Variants in MASP2 observed in about 807,000 individuals in gnomAD.
The protein encoded by MASP2 is MBL associated serine protease 2, also known as mannan-binding lectin serine protease 2.
In MASP2, 49 loss-of-function variants were observed where a neutral mutation model predicts 57.1. The observed-to-expected ratio is 0.86, with a 90% CI of 0.68 to 1.09. MASP2 has a LOEUF of 1.09. Among genes scored for constraint, MASP2 ranks in the 50% least tolerant of loss-of-function variants. The pLI, the probability that MASP2 is intolerant of heterozygous loss-of-function variation, is 0.00. For synonymous variants in MASP2, 379 were observed against 340.8 expected (o/e 1.11, Z -1.24); for missense variants, 900 against 874.8 (o/e 1.03, Z -0.36).
chr1:11,036,804 T>G (rs1449368270), intron 7 of MASP2, among the ~76,000 whole-genome samples: 1 of 152,032 alleles, frequency 6.6e-6, no homozygotes, highest in Non-Finnish European at 1.5e-5. Context: ...TTTTTTAAAA[T>G]TATACTCCTC....
chr1:11,046,242 A>T (rs1218028557), intron 3 of MASP2: 3 of 426,636 alleles, frequency 7.0e-6, no homozygotes, highest in African/African-American at 2.0e-5. Flanking sequence ...TGAACTCCTG[A>T]CCTCAAATGA....
At chr1:11,027,754 A>T in intron 10 of MASP2, 106 bp from the exon 11 acceptor site, 1 of 1,208,040 alleles carries the variant, frequency 8.3e-7, no homozygotes, top group Admixed American at 2.6e-5. Context: ...ACCAAAAATT[A>T]TATTACATGA....
intron 4 of MASP2, chr1:11,044,886 A>G (rs1250186298): frequency 6.3e-7 from 1 of 1,586,030 alleles, no homozygotes; most frequent in East Asian, 2.3e-5. Context: ...AGCTGAGGCC[A>G]GCAGGCTGGC....
chr1:11,034,972 G>T, intron 7 of MASP2, 66 bp from the exon 8 acceptor site: 2 of 1,169,252 alleles, frequency 1.7e-6, no homozygotes, highest in Non-Finnish European at 2.5e-6. Context: ...CCAAAGCTGT[G>T]CTCTCACAGC....
chr1:11,042,559 A>G (rs146714080), intron 6 of MASP2, among the ~76,000 whole-genome samples: 31 of 151,426 alleles, frequency 2.0e-4, no homozygotes, highest in Middle Eastern at 3.4e-3. Flanking sequence ...GGGTGGGTGG[A>G]TTGATGAATG....
chr1:11,030,550 T>G, intron 9 of MASP2, 198 bp downstream of exon 9: 2 of 596,514 alleles, frequency 3.4e-6, no homozygotes, highest in Non-Finnish European at 5.8e-6. Flanking sequence ...TAGTAGTCAT[T>G]TACTAGATCT....
chr1:11,043,915 G>A (rs1458763722), intron 4 of MASP2, among the ~76,000 whole-genome samples: 3 of 149,584 alleles, frequency 2.0e-5, no homozygotes, highest in Admixed American at 6.7e-5. Context: ...CTGCCGGGGC[G>A]GGGGGCGGGG....
rs1297974326 is a variant in MASP2, at chr1:11,045,421, C to T, written c.531G>A (p.Lys177=). 1 of 1,613,208 alleles carries T rather than the reference C, an allele frequency of 6.2e-7. No homozygotes were observed. Among genetic ancestry groups the T allele is most frequent in the Non-Finnish European group, 8.5e-7 (1 of 1,179,930 alleles). ...AGCCTCCCTCACCTGAGCAGGTGCG[C>T]TTGTTACGGTGCAGGACGTAGCCTG... ...CRAGYVLHRN[K]RTCSALCSGQ... Residue 177 remains lysine, a synonymous_variant, in exon 4 of 11, where the codon AAG becomes AAA. Transcript: ENST00000400897.
At chr1:11,036,305 C>G (rs1024053635) in intron 7 of MASP2, among the ~76,000 whole-genome samples, 9 of 150,554 alleles carry the variant, frequency 6.0e-5, no homozygotes, top group African/African-American at 2.2e-4. Context: ...GAGATCGAGA[C>G]CATCCTGGCT....
Position 11,027,411 on chromosome 1 carries a change from G to T in MASP2, c.1535C>A (p.Ala512Asp). The T allele has an allele frequency of 6.2e-7, 1 of 1,614,164 alleles. No homozygotes were observed. Among genetic ancestry groups the T allele is most frequent in the Non-Finnish European group, 8.5e-7 (1 of 1,180,028 alleles). The change falls in exon 11 of 11, where the codon GCC (alanine) becomes GAC (aspartate). Residue 512 changes from alanine (A) to aspartate (D), a missense_variant. Physicochemically the swap from Ala to Asp is moderately radical, Grantham distance 126 (BLOSUM62 -2). Coordinates refer to ENST00000400897, the MANE Select transcript of MASP2 (RefSeq NM_006610.4). ...ATGTATAAAAACAGCTTCAGACCAG[G>T]CTTGTGTATAATGAGGTGATAGTCT... Reference protein sequence around the residue: ...LKRLSPHYTQAWSEAVFIHEG... With the variant: ...LKRLSPHYTQDWSEAVFIHEG...
rs1410086939 is a variant in MASP2 at position 11,027,256 on chromosome 1, T to C, written c.1690A>G (p.Thr564Ala). The change falls in exon 11 of 11, where the codon ACA becomes GCA. Residue 564 changes from threonine to alanine, a missense_variant. Transcript: ENST00000400897. Reference protein sequence around the residue: ...PRKEAESFMRTDDIGTASGWG... With the variant: ...PRKEAESFMRADDIGTASGWG... ...CCAGATGCAGTTCCAATGTCATCTG[T>C]CCTCATAAAGGATTCAGCTTCTTTT... 2.5e-6 allele frequency: 4 copies of C among 1,614,098 alleles called. No individual in the cohort carries two copies. The highest frequency in any genetic ancestry group is 3.4e-6 in the Non-Finnish European group (4 of 1,180,042).
In MASP2 at chr1:11,026,666, G is replaced by A. The variant is rs775881603; in HGVS notation, c.*219C>T. On this transcript the variant is annotated 3_prime_UTR_variant, in exon 11 of 11. Transcript: ENST00000400897. ...TTACACTGGGTGGGCAAAGATGACT[G>A]TCACTCTCGTGGTTTATGTCCCCTT... 5.3e-4 allele frequency: 204 copies of A among 381,500 alleles called. 1 individual carries two copies. Among genetic ancestry groups the A allele is most frequent in the Non-Finnish European group, 6.6e-4 (143 of 215,672 alleles). The allele number at this position is 381,500 out of a possible 1,614,324, so 23.6% of individuals were successfully genotyped here. A position where few individuals can be genotyped will look rare whatever the true frequency, so the allele number is the denominator to read the frequency against.
rs1333008108 is a variant in MASP2 at position 11,037,694 on chromosome 1, T to TG, written c.1006dup (p.Gln336ProfsTer30). On this transcript the variant is annotated frameshift_variant and splice_region_variant, in exon 7 of 11. Coordinates refer to ENST00000400897, the MANE Select transcript of MASP2 (RefSeq NM_006610.4). LOFTEE classifies it high-confidence loss of function. ...GTGGTGTACTTTGTTTTAACTCACT[T>TG]GCAGAAGCTCATAGCCAGTCTCGCA... The TG allele has an allele frequency of 6.3e-7, 1 of 1,598,882 alleles. No individual in the cohort carries two copies. Among genetic ancestry groups the TG allele is most frequent in the African/African-American group, 1.3e-5 (1 of 74,226 alleles).
At chr1:11,046,814 A>G in intron 2 of MASP2, 77 bp downstream of exon 2, 1 of 1,552,764 alleles carries the variant, frequency 6.4e-7, no homozygotes. Context: ...CCCTGCTCCC[A>G]GGTGTCCCTG....
At chr1:11,033,156 C>G (rs1377076680) in intron 8 of MASP2, among the ~76,000 whole-genome samples, 1 of 151,410 alleles carries the variant, frequency 6.6e-6, no homozygotes, top group Non-Finnish European at 1.5e-5. Flanking sequence ...TGGAGAAACC[C>G]CGTCTCTACT....
In MASP2 at chr1:11,047,215, C is replaced by A; in HGVS notation, c.-8G>T. 6.4e-7 allele frequency: 1 copy of A among 1,561,436 alleles called. No individual in the cohort carries two copies. The highest frequency in any genetic ancestry group is 8.6e-7 in the Non-Finnish European group (1 of 1,156,076). ...GGCGCCCACCTACCTCATGGTGTGC[C>A]CGTCCAGCTGGCCTGGCCTGGTCTG... On this transcript the variant is annotated 5_prime_UTR_variant, in exon 1 of 11. Transcript: ENST00000400897.
chr1:11,037,653 G>T, intron 7 of MASP2, 40 bp downstream of exon 7: 1 of 1,268,632 alleles, frequency 7.9e-7, no homozygotes. Context: ...ACATTTCAAA[G>T]CAATCGTCAT....
At chr1:11,045,329 TG>T (rs1262323557) in intron 4 of MASP2, 78 bp downstream of exon 4, 1 of 1,602,108 alleles carries the variant, frequency 6.2e-7, no homozygotes, top group Non-Finnish European at 8.5e-7. Context: ...TCCGCACCCC[TG>T]GGCAGAGCAG....
At chr1:11,032,749 A>T (rs1322191424) in intron 8 of MASP2, among the ~76,000 whole-genome samples, 1 of 151,940 alleles carries the variant, frequency 6.6e-6, no homozygotes, top group Non-Finnish European at 1.5e-5. Flanking sequence ...TCTCTACTAA[A>T]AATAGAAAAA....
Sources: gnomAD v4.1 joint callset for allele counts (sites outside exome capture counted in the v4.1 genomes callset) on GRCh38, gnomAD v4.1.1 for gene constraint, MANE v1.5 for transcripts, NCBI Gene and HGNC (gene_info 2026-07-23, HGNC 2026-07-21) for gene names.